IL22RA1: variants seen among roughly 807,000 people sequenced by gnomAD.
IL22RA1 encodes the protein interleukin 22 receptor subunit alpha 1, also known as interleukin-22 receptor subunit alpha-1.
IL22RA1 carries 25 observed loss-of-function variants against 32.8 expected under a neutral mutation model. That is an observed-to-expected ratio of 0.76 (90% CI 0.55 to 1.06). The LOEUF is 1.06. Ranked by LOEUF, IL22RA1 falls within the 50% of genes least tolerant of loss-of-function variation. The pLI, the probability that IL22RA1 is intolerant of heterozygous loss-of-function variation, is 0.00. For synonymous variants in IL22RA1, 305 were observed against 305.0 expected (o/e 1.00, Z 0.00); for missense variants, 709 against 727.4 (o/e 0.97, Z 0.29).
chr1:24,121,666 G>A lies in IL22RA1; in HGVS notation c.864C>T (p.Asp288=). The change falls in exon 7 of 7, where the codon GAC becomes GAT. Residue 288 remains aspartate, a synonymous_variant. Coordinates refer to ENST00000270800, the MANE Select transcript of IL22RA1 (RefSeq NM_021258.4). ...IQEHVLIPVF[D]LSGPSSLAQP... ...GGGCCAGACTGCTGGGGCCGCTGAG[G>A]TCAAAGACAGGGATCAGGACGTGCT... The A allele has an allele frequency of 1.2e-6, 2 of 1,605,994 alleles. No homozygotes were observed. The highest frequency in any genetic ancestry group is 8.5e-7 in the Non-Finnish European group (1 of 1,175,054).
At chr1:24,123,872 G>A (rs1298153354) in intron 5 of IL22RA1, among the ~76,000 whole-genome samples, 1 of 152,172 alleles carries the variant, frequency 6.6e-6, no homozygotes, top group Non-Finnish European at 1.5e-5. Flanking sequence ...TCATGGTCGA[G>A]CTCATCCATG....
Position 24,121,704 on chromosome 1 carries a change from G to A in IL22RA1, c.826C>T (p.Arg276Cys), listed in dbSNP as rs369268604. 11 of 1,562,180 alleles carry A rather than the reference G, an allele frequency of 7.0e-6. No individual in the cohort carries two copies. Among genetic ancestry groups the A allele is most frequent in the African/African-American group, 4.1e-5 (3 of 73,482 alleles). ...ATCAGGACGTGCTCCTGGATGAAGC[G>A]CAGCGGCTGGAAAGTCAGGACTCGC... Reference protein sequence around the residue: ...VQRVLTFQPLRFIQEHVLIPV... With the variant: ...VQRVLTFQPLCFIQEHVLIPV... Residue 276 changes from arginine to cysteine, a missense_variant, in exon 7 of 7, where the codon CGC (arginine) becomes TGC (cysteine). Arg to Cys is a radical substitution (Grantham distance 180, BLOSUM62 -3). Transcript: ENST00000270800.
intron 6 of IL22RA1, among the ~76,000 whole-genome samples, chr1:24,122,879 C>T (rs903416319): frequency 6.6e-6 from 1 of 152,182 alleles, no homozygotes; most frequent in African/African-American, 2.4e-5. Context: ...GAAACTCTGG[C>T]TTCTCTTGAA....
chr1:24,123,560 A>G (rs1263763532), intron 5 of IL22RA1, 137 bp from the exon 6 acceptor site: 1 of 1,490,984 alleles, frequency 6.7e-7, no homozygotes, highest in East Asian at 2.5e-5. Context: ...TCAGAATGCA[A>G]GATCACAAAT....
At chr1:24,126,422 C>T (rs1158971375) in intron 5 of IL22RA1, among the ~76,000 whole-genome samples, 1 of 152,194 alleles carries the variant, frequency 6.6e-6, no homozygotes, top group Non-Finnish European at 1.5e-5. Context: ...AGCTGCCTGG[C>T]CTCTGATTAT....
intron 1 of IL22RA1, 86 bp downstream of exon 1, chr1:24,142,954 G>C (rs1644291660): frequency 3.1e-6 from 4 of 1,300,952 alleles, no homozygotes; most frequent in Middle Eastern, 1.8e-4. Context: ...GGCTATGCTC[G>C]GGCTGGGGAG....
chr1:24,129,492 A>G (rs1395114547), intron 4 of IL22RA1, among the ~76,000 whole-genome samples: 3 of 152,140 alleles, frequency 2.0e-5, no homozygotes, highest in Non-Finnish European at 4.4e-5. Context: ...TTGATTCTCT[A>G]ATTTTGATAA....
At chr1:24,139,083 A>G (rs1045458065) in intron 1 of IL22RA1, among the ~76,000 whole-genome samples, 1 of 152,218 alleles carries the variant, frequency 6.6e-6, no homozygotes, top group African/African-American at 2.4e-5. Flanking sequence ...TAGCACCCCA[A>G]AAAGAAACTG....
chr1:24,135,725 G>A (rs1644236925), intron 3 of IL22RA1, among the ~76,000 whole-genome samples: 1 of 152,184 alleles, frequency 6.6e-6, no homozygotes, highest in South Asian at 2.1e-4. Flanking sequence ...GAAGGAAAAT[G>A]AGAACCAAGC....
At position 24,119,862 on chromosome 1, in the gene IL22RA1, A is replaced by G. The variant is rs2148568267; in HGVS notation, c.*943T>C. On this transcript the variant is annotated 3_prime_UTR_variant, in exon 7 of 7. Coordinates refer to ENST00000270800, the MANE Select transcript of IL22RA1 (RefSeq NM_021258.4). ...TTCATTTCATCTTCACCACAACTCC[A>G]TGAGGTAGGTGTTATGATCCCCACA... The G allele has an allele frequency of 6.6e-6, 1 of 152,366 alleles. No homozygotes were observed. The highest frequency in any genetic ancestry group is 1.5e-5 in the Non-Finnish European group (1 of 68,050). 9.4% of individuals were successfully genotyped at this position (152,366 alleles called of 1,614,324 possible). A position where few individuals can be genotyped will look rare whatever the true frequency, so the allele number is the denominator to read the frequency against.
At chr1:24,135,803 TG>T (rs34424126) in intron 3 of IL22RA1, among the ~76,000 whole-genome samples, 1 of 152,162 alleles carries the variant, frequency 6.6e-6, no homozygotes, top group African/African-American at 2.4e-5. Context: ...GAGAATAGCA[TG>T]GGGGGAACCG....
At position 24,137,197 on chromosome 1, in the gene IL22RA1, T is replaced by C. The variant is rs762795201; in HGVS notation, c.289A>G (p.Thr97Ala). 1 of 1,614,136 alleles carries C rather than the reference T, an allele frequency of 6.2e-7. No homozygotes were observed. Among genetic ancestry groups the C allele is most frequent in the South Asian group, 1.1e-5 (1 of 91,080 alleles). ...GACCGGCCTCCCGCACTGACAGCGG[T>C]GACCCTGGCATAGTAGAGCTCCGTG... ...NLTELYYARVTAVSAGGRSAT... is the reference protein window; with the variant it reads ...NLTELYYARVAAVSAGGRSAT... The change falls in exon 3 of 7, where the codon ACC becomes GCC. Residue 97 changes from threonine to alanine, a missense_variant. Physicochemically the swap from Thr to Ala is moderately conservative, Grantham distance 58. Coordinates refer to ENST00000270800, the MANE Select transcript of IL22RA1 (RefSeq NM_021258.4).
Position 24,123,642 on chromosome 1 carries a change from A to C in IL22RA1, c.671-219T>G, listed in dbSNP as rs184752347. On this transcript the variant is annotated intron_variant, in intron 5 of 6. Transcript: ENST00000270800. ...TATTTTTACACTGTTAAATAAATAA[A>C]ATGTTCGAGGTTTCCACCTTAACAA... The C allele has an allele frequency of 1.4e-4, 147 of 1,087,082 alleles. 1 individual carries two copies. The East Asian group carries it at 4.8e-3, about 36-fold the overall frequency. 67.3% of individuals were successfully genotyped at this position (1,087,082 alleles called of 1,614,324 possible). A position where few individuals can be genotyped will look rare whatever the true frequency, so the allele number is the denominator to read the frequency against.
In IL22RA1 at chr1:24,121,539, C is replaced by T. The variant is rs1227244517; in HGVS notation, c.991G>A (p.Asp331Asn). ...LSEITYLGQP[D>N]ISILQPSNVP... ...TTGGAGGGCTGGAGGATGGAGATGT[C>T]TGGCTGCCCTAAGTAGGTGATCTCG... The change falls in exon 7 of 7, where the codon GAC becomes AAC. Residue 331 changes from aspartate (D) to asparagine (N), a missense_variant. Coordinates refer to ENST00000270800, the MANE Select transcript of IL22RA1 (RefSeq NM_021258.4). 1.9e-6 allele frequency: 3 copies of T among 1,598,144 alleles called. No homozygotes were observed. Among genetic ancestry groups the T allele is most frequent in the African/African-American group, 1.3e-5 (1 of 74,568 alleles).
chr1:24,134,154 A>G, intron 4 of IL22RA1, 57 bp downstream of exon 4: 2 of 1,473,844 alleles, frequency 1.4e-6, no homozygotes, highest in Non-Finnish European at 1.8e-6. Flanking sequence ...CTCAGATCTA[A>G]TTGGGAGGGA....
rs768411877 is a variant in IL22RA1 at position 24,121,556 on chromosome 1, G to T, written c.974C>A (p.Thr325Asn). Residue 325 changes from threonine (T) to asparagine (N), a missense_variant, in exon 7 of 7, where the codon ACC (threonine) becomes AAC (asparagine). Transcript: ENST00000270800. ...APQRHSLSEI[T>N]YLGQPDISIL... Reference sequence around the variant, plus strand: ...GGAGATGTCTGGCTGCCCTAAGTAGGTGATCTCGGACAGGCTATGCCGCTG... The same window carrying T: ...GGAGATGTCTGGCTGCCCTAAGTAGTTGATCTCGGACAGGCTATGCCGCTG... 1 of 1,606,830 alleles carries T rather than the reference G, an allele frequency of 6.2e-7. No homozygotes were observed. Among genetic ancestry groups the T allele is most frequent in the Non-Finnish European group, 8.5e-7 (1 of 1,175,392 alleles).
At chr1:24,139,530 C>A (rs776704926) in intron 1 of IL22RA1, among the ~76,000 whole-genome samples, 1 of 152,082 alleles carries the variant, frequency 6.6e-6, no homozygotes, top group Non-Finnish European at 1.5e-5. Context: ...TCTAAAGTGG[C>A]CACACCATTT....
At chr1:24,141,324 T>A (rs1644279875) in intron 1 of IL22RA1, among the ~76,000 whole-genome samples, 2 of 152,116 alleles carry the variant, frequency 1.3e-5, no homozygotes, top group African/African-American at 2.4e-5. Context: ...CCAGTCAAGG[T>A]CAGACCTGAA....
At chr1:24,141,549 G>A (rs376363654) in intron 1 of IL22RA1, among the ~76,000 whole-genome samples, 4 of 152,194 alleles carry the variant, frequency 2.6e-5, no homozygotes, top group East Asian at 3.8e-4. Context: ...CCTGGGCTAC[G>A]TGGAGGTTGG....
Sources: allele counts gnomAD v4.1 joint callset (sites outside exome capture counted in the v4.1 genomes callset), GRCh38; gene constraint gnomAD v4.1.1; transcripts MANE v1.5; gene names NCBI Gene and HGNC (gene_info 2026-07-23, HGNC 2026-07-21).